The following SMYD3 variants were observed in gnomAD, a reference collection of about 807,000 sequenced individuals.
The protein encoded by SMYD3 is SET and MYND domain containing 3, also known as histone-lysine N-methyltransferase SMYD3.
A neutral mutation model predicts 57.7 loss-of-function variants in SMYD3; 36 were observed. The ratio of observed to expected loss-of-function variants is 0.62; its 90% confidence interval spans 0.48 to 0.82. The LOEUF (loss-of-function observed/expected upper bound fraction) is 0.82, where lower values mean the gene tolerates loss of function less well. Among genes scored for constraint, SMYD3 ranks in the 40% least tolerant of loss-of-function variants. SMYD3 has a pLI of 0.00. For missense variants in SMYD3, 515 were observed against 538.8 expected (o/e 0.96, Z 0.44); for synonymous variants, 211 against 195.0 (o/e 1.08, Z -0.68).
chr1:246,116,992 A>G (rs2148009181), intron 5 of SMYD3, among the ~76,000 whole-genome samples: 1 of 152,358 alleles, frequency 6.6e-6, no homozygotes, highest in South Asian at 2.1e-4. Flanking sequence ...CTCTTACTCC[A>G]GTGGATAAAT....
chr1:245,985,663 C>G (rs746477730), intron 5 of SMYD3, among the ~76,000 whole-genome samples: 14 of 152,226 alleles, frequency 9.2e-5, no homozygotes, highest in Non-Finnish European at 2.1e-4. Context: ...CCTTTCTTAA[C>G]TGCATTTCTA....
At chr1:245,931,624 G>C (rs899560281) in intron 5 of SMYD3, among the ~76,000 whole-genome samples, 1 of 152,038 alleles carries the variant, frequency 6.6e-6, no homozygotes, top group Admixed American at 6.6e-5. Context: ...CATGACAAAG[G>C]CCATCAAAAA....
At chr1:246,384,088 T>G (rs150273872) in intron 1 of SMYD3, among the ~76,000 whole-genome samples, 77 of 152,318 alleles carry the variant, frequency 5.1e-4, no homozygotes, top group African/African-American at 1.8e-3. Context: ...ACTTTTACTA[T>G]ATATGTATCT....
chr1:245,986,237 T>G (rs2058702205), intron 5 of SMYD3, among the ~76,000 whole-genome samples: 1 of 152,226 alleles, frequency 6.6e-6, no homozygotes, highest in African/African-American at 2.4e-5. Flanking sequence ...AAATTCAGTT[T>G]GGGGATGTTA....
intron 1 of SMYD3, among the ~76,000 whole-genome samples, chr1:246,453,219 C>T (rs1411192834): frequency 6.6e-6 from 1 of 152,176 alleles, no homozygotes; most frequent in Non-Finnish European, 1.5e-5. Context: ...TAGAAACAGG[C>T]TTAACACACA....
chr1:245,955,095 G>GTTTTGT (rs764392298), intron 5 of SMYD3, among the ~76,000 whole-genome samples: 5 of 152,128 alleles, frequency 3.3e-5, no homozygotes, highest in Middle Eastern at 3.4e-3. Flanking sequence ...CCCATGTGGT[G>GTTTTGT]TTTTGTTTTT....
intron 5 of SMYD3, among the ~76,000 whole-genome samples, chr1:246,131,353 G>T (rs1387818515): frequency 1.3e-5 from 2 of 152,078 alleles, no homozygotes; most frequent in Admixed American, 1.3e-4. Context: ...AAGAATGAAT[G>T]AATCATGTAA....
intron 5 of SMYD3, among the ~76,000 whole-genome samples, chr1:245,940,260 T>G (rs1422029838): frequency 6.6e-6 from 1 of 152,190 alleles, no homozygotes; most frequent in Non-Finnish European, 1.5e-5. Flanking sequence ...CCCAGCGCAG[T>G]GCACCTGCTC....
chr1:246,323,506 TTCAGGCAATAA>T lies in SMYD3; in HGVS notation c.531+3684_531+3694del, dbSNP rs59752934. ...TGTTCAAAATACAAACTGCCAACTTTTCAGGCAATAATCATGAGCTTCCATTAGAAAAAGCC... is the reference window on the plus strand; with the variant it reads ...TGTTCAAAATACAAACTGCCAACTTTTCATGAGCTTCCATTAGAAAAAGCC... On this transcript the variant is annotated intron_variant, in intron 5 of 11. Coordinates refer to ENST00000490107, the MANE Select transcript of SMYD3 (RefSeq NM_001167740.2). Among the ~76,000 whole-genome samples, 1,132 of 152,290 alleles carry T rather than the reference TTCAGGCAATAA, an allele frequency of 7.4e-3. 7 individuals carry two copies. Among genetic ancestry groups the T allele is most frequent in the Non-Finnish European group, 0.011 (770 of 68,024 alleles).
At chr1:246,450,153 G>A (rs4654255) in intron 1 of SMYD3, among the ~76,000 whole-genome samples, 32,349 of 152,066 alleles carry the variant, frequency 0.21, 3,624 homozygotes, top group Middle Eastern at 0.29. Flanking sequence ...CGGGCGTGGC[G>A]GCACATGCCT....
chr1:245,814,701 G>A (rs2048689830), intron 10 of SMYD3, among the ~76,000 whole-genome samples: 2 of 152,196 alleles, frequency 1.3e-5, no homozygotes, highest in South Asian at 2.1e-4. Context: ...CTCCGATGAG[G>A]AATAAACTTT....
At chr1:246,243,934 G>T (rs1203489831) in intron 5 of SMYD3, among the ~76,000 whole-genome samples, 1 of 123,218 alleles carries the variant, frequency 8.1e-6, no homozygotes, top group African/African-American at 3.0e-5. Flanking sequence ...TCTTTGTTGG[G>T]CATGGTGGCA....
chr1:246,439,571 C>T lies in SMYD3; in HGVS notation c.164+67483G>A, dbSNP rs557609583. Among the ~76,000 whole-genome samples the T allele has an allele frequency of 2.0e-5, 3 of 152,150 alleles. No homozygotes were observed. In the South Asian group the frequency reaches 6.2e-4, roughly 32 times the overall value. On this transcript the variant is annotated intron_variant, in intron 1 of 11. Coordinates refer to ENST00000490107, the MANE Select transcript of SMYD3 (RefSeq NM_001167740.2). Reference sequence around the variant, plus strand: ...GGGGCCTGTTTCTTTCCTTAGTGTGCCTTTAGCTTCTCTCCTCTCACAGTC... The same window carrying T: ...GGGGCCTGTTTCTTTCCTTAGTGTGTCTTTAGCTTCTCTCCTCTCACAGTC...
At chr1:246,363,303 G>C (rs2066036114) in intron 1 of SMYD3, among the ~76,000 whole-genome samples, 1 of 149,840 alleles carries the variant, frequency 6.7e-6, no homozygotes, top group South Asian at 2.1e-4. Flanking sequence ...AGGTGGGGGG[G>C]TCAGCCCCCC....
intron 5 of SMYD3, among the ~76,000 whole-genome samples, chr1:246,298,921 A>G (rs2148609600): frequency 6.6e-6 from 1 of 152,302 alleles, no homozygotes; most frequent in East Asian, 1.9e-4. Context: ...TACTTATATC[A>G]CTTTTAAGAT....
intron 1 of SMYD3, among the ~76,000 whole-genome samples, chr1:246,384,546 C>T (rs1219671567): frequency 6.6e-6 from 1 of 151,970 alleles, no homozygotes; most frequent in Admixed American, 6.6e-5. Context: ...CAGGTGCCCG[C>T]CACCACGCCC....
intron 1 of SMYD3, among the ~76,000 whole-genome samples, chr1:246,357,562 C>T (rs1299941487): frequency 2.0e-5 from 3 of 152,156 alleles, no homozygotes; most frequent in Admixed American, 1.3e-4. Context: ...CTTGCTTTCA[C>T]TTTACTCTAT....
At chr1:246,351,370 T>C (rs1292943159) in intron 2 of SMYD3, among the ~76,000 whole-genome samples, 1 of 152,238 alleles carries the variant, frequency 6.6e-6, no homozygotes, top group Non-Finnish European at 1.5e-5. Context: ...TTACTTGAAA[T>C]TGACTTACTT....
At chr1:245,822,615 G>A (rs1220271681) in intron 10 of SMYD3, among the ~76,000 whole-genome samples, 2 of 151,046 alleles carry the variant, frequency 1.3e-5, no homozygotes, top group Non-Finnish European at 2.9e-5. Flanking sequence ...TGAGGAGCTC[G>A]GCTGTTTTAC....
Sources: gnomAD v4.1 joint callset for allele counts (sites outside exome capture counted in the v4.1 genomes callset) on GRCh38, gnomAD v4.1.1 for gene constraint, MANE v1.5 for transcripts, NCBI Gene and HGNC (gene_info 2026-07-23, HGNC 2026-07-21) for gene names.